The following TG variants were observed in gnomAD, a reference collection of about 807,000 sequenced individuals.
TG encodes thyroid hormones.
A neutral mutation model predicts 324.7 loss-of-function variants in TG; 270 were observed. The observed-to-expected ratio is 0.83, with a 90% CI of 0.75 to 0.92. The LOEUF is 0.92. Ranked by LOEUF, TG falls within the 40% of genes least tolerant of loss-of-function variation. The pLI, the probability that TG is intolerant of heterozygous loss-of-function variation, is 0.00. For synonymous variants in TG, 1,401 were observed against 1,327.0 expected, an observed-to-expected ratio of 1.06 and a Z score of -1.21; for missense variants, 3,591 against 3,456.4, an observed-to-expected ratio of 1.04 and a Z score of -0.98.
intron 38 of TG, 52 bp from the exon 39 acceptor site, chr8:133,019,550 G>T (rs1835368269): frequency 1.3e-6 from 2 of 1,495,164 alleles, no homozygotes. Context: ...TGGTGGGTGG[G>T]GAGGGGTGGT....
chr8:132,900,997 A>G (rs1221244315), intron 15 of TG, among the ~76,000 whole-genome samples: 12 of 152,064 alleles, frequency 7.9e-5, no homozygotes, highest in African/African-American at 2.9e-4. Context: ...CAGACCACAC[A>G]TCTGTCCCTC....
chr8:133,060,993 C>T (rs148138540), intron 41 of TG, among the ~76,000 whole-genome samples: 45 of 152,294 alleles, frequency 3.0e-4, no homozygotes, highest in Middle Eastern at 3.4e-3. Context: ...TAGATGACTT[C>T]GGGCAAGTCA....
chr8:132,927,061 G>A (rs1361778316), intron 22 of TG, among the ~76,000 whole-genome samples: 2 of 151,892 alleles, frequency 1.3e-5, no homozygotes, highest in African/African-American at 4.8e-5. Flanking sequence ...TCTGATCTTT[G>A]TCAACCTATG....
chr8:132,874,890 C>A (rs1161059440), intron 5 of TG, among the ~76,000 whole-genome samples: 1 of 152,180 alleles, frequency 6.6e-6, no homozygotes, highest in Non-Finnish European at 1.5e-5. Flanking sequence ...CAAGGACACG[C>A]CCTTCTGTGC....
Position 132,969,494 on chromosome 8 carries a change from G to A in TG, c.5900G>A (p.Arg1967His), listed in dbSNP as rs542988060. 5.9e-5 allele frequency: 96 copies of A among 1,613,766 alleles called. No homozygotes were observed. Among genetic ancestry groups the A allele is most frequent in the South Asian group, 2.2e-4 (20 of 91,080 alleles). Residue 1967 changes from arginine (R) to histidine (H), a missense_variant, in exon 32 of 48, where the codon CGC (arginine) becomes CAC (histidine). Transcript: ENST00000220616. ...GATAAAGTGAAGAACTTTTACACTC[G>A]CCTGCCGTTCCAAAAACTGATGGGG... The part of the protein sequence containing the change: ...LEDKVKNFYT[R>H]LPFQKLMGIS...
chr8:133,125,105 A>G (rs1276087541), intron 45 of TG, among the ~76,000 whole-genome samples: 1 of 152,198 alleles, frequency 6.6e-6, no homozygotes, highest in Non-Finnish European at 1.5e-5. Context: ...TTTGACAGAG[A>G]TTTACCTAAC....
rs142093627 is a variant in TG at position 133,114,026 on chromosome 8, C to T, written c.7754+423C>T. On this transcript the variant is annotated intron_variant, in intron 44 of 47. Coordinates refer to ENST00000220616, the MANE Select transcript of TG (RefSeq NM_003235.5). ...CAGTCTTGGCTGCCCATCAGGCACA[C>T]GTGAGCGCATTTAAAGGGTAGGTGA... 6.4e-3 allele frequency among the ~76,000 whole-genome samples: 971 copies of T among 152,302 alleles called. 15 individuals are homozygous for T. The highest frequency in any genetic ancestry group is 0.022 in the African/African-American group (932 of 41,562).
chr8:132,893,918 C>A lies in TG; in HGVS notation c.2990C>A (p.Ala997Glu). The change falls in exon 11 of 48, where the codon GCG becomes GAG. Residue 997 changes from alanine to glutamate, a missense_variant. Physicochemically the swap from Ala to Glu is moderately radical, Grantham distance 107 (BLOSUM62 -1). Transcript: ENST00000220616. ...GGGAGTGATTACGCCATTCGCCTGGCGGCTCAGTCTAGTGAGTGTGGTGCC... is the reference window on the plus strand; with the variant it reads ...GGGAGTGATTACGCCATTCGCCTGGAGGCTCAGTCTAGTGAGTGTGGTGCC... ...LRGSDYAIRLAAQSTLSFYQR... is the reference protein window; with the variant it reads ...LRGSDYAIRLEAQSTLSFYQR... 6.2e-7 allele frequency: 1 copy of A among 1,614,032 alleles called. No individual in the cohort carries two copies. Among genetic ancestry groups the A allele is most frequent in the Non-Finnish European group, 8.5e-7 (1 of 1,179,950 alleles).
intron 41 of TG, among the ~76,000 whole-genome samples, chr8:133,068,964 T>C (rs1843530950): frequency 6.6e-6 from 1 of 152,254 alleles, no homozygotes. Context: ...CTCTAGATCA[T>C]ATAAGCAGGC....
At chr8:133,101,967 G>T (rs1849314874) in intron 43 of TG, among the ~76,000 whole-genome samples, 1 of 152,204 alleles carries the variant, frequency 6.6e-6, no homozygotes, top group Non-Finnish European at 1.5e-5. Context: ...GTTACCCAGA[G>T]TCTGAGCCTC....
At chr8:133,103,946 C>T (rs1367620712) in intron 43 of TG, among the ~76,000 whole-genome samples, 1 of 152,090 alleles carries the variant, frequency 6.6e-6, no homozygotes, top group Non-Finnish European at 1.5e-5. Flanking sequence ...TTAGAAATGC[C>T]CTGAAGAACA....
At chr8:133,089,395 C>T (rs920738113) in intron 41 of TG, among the ~76,000 whole-genome samples, 1 of 152,194 alleles carries the variant, frequency 6.6e-6, no homozygotes, top group Non-Finnish European at 1.5e-5. Flanking sequence ...CAACCATTTT[C>T]AGCACTGAGA....
intron 41 of TG, among the ~76,000 whole-genome samples, chr8:133,085,592 A>T (rs1162065416): frequency 6.6e-6 from 1 of 152,220 alleles, no homozygotes; most frequent in Non-Finnish European, 1.5e-5. Flanking sequence ...TGGGCCCATA[A>T]GCATAGCAAA....
intron 29 of TG, among the ~76,000 whole-genome samples, chr8:132,964,382 G>T (rs901052382): frequency 1.9e-4 from 29 of 152,080 alleles, no homozygotes; most frequent in African/African-American, 7.0e-4. Flanking sequence ...TTGCATTCCT[G>T]GGCTCAAGTA....
chr8:132,913,129 C>T lies in TG; in HGVS notation c.4242C>T (p.Ser1414=). The T allele has an allele frequency of 2.5e-6, 4 of 1,614,192 alleles. No individual in the cohort carries two copies. The highest frequency in any genetic ancestry group is 1.7e-5 in the Admixed American group (1 of 60,028). ...QSGSFQLHLD[S]KTFPAETIRF... Reference sequence around the variant, plus strand: ...GCTCATTCCAGCTTCATCTGGACTCCAAGACGTTCCCAGCGGAAACCATCC... The same window carrying T: ...GCTCATTCCAGCTTCATCTGGACTCTAAGACGTTCCCAGCGGAAACCATCC... Residue 1414 remains serine (S), a synonymous_variant, in exon 20 of 48, where the codon TCC becomes TCT. Coordinates refer to ENST00000220616, the MANE Select transcript of TG (RefSeq NM_003235.5).
chr8:133,005,674 A>T (rs1321798010), intron 35 of TG, among the ~76,000 whole-genome samples: 1 of 152,168 alleles, frequency 6.6e-6, no homozygotes, highest in African/African-American at 2.4e-5. Flanking sequence ...TGGCTGCTTT[A>T]CTGTGTCCCA....
chr8:132,944,896 C>G (rs1270985219), intron 26 of TG, among the ~76,000 whole-genome samples: 1 of 152,104 alleles, frequency 6.6e-6, no homozygotes, highest in Non-Finnish European at 1.5e-5. Flanking sequence ...ATAGCATATG[C>G]AAAGTCCCTG....
chr8:132,979,301 G>A (rs1172211421), intron 34 of TG, among the ~76,000 whole-genome samples: 1 of 152,236 alleles, frequency 6.6e-6, no homozygotes, highest in Non-Finnish European at 1.5e-5. Context: ...TTGTCTGCAA[G>A]TGGGGCAAGA....
chr8:132,871,455 C>T lies in TG; in HGVS notation c.382C>T (p.Pro128Ser), dbSNP rs760598558. 1.2e-6 allele frequency: 2 copies of T among 1,614,198 alleles called. No homozygotes were observed. The highest frequency in any genetic ancestry group is 2.2e-5 in the South Asian group (2 of 91,084). Residue 128 changes from proline (P) to serine (S), a missense_variant, in exon 4 of 48, where the codon CCT (proline) becomes TCT (serine). Physicochemically the swap from Pro to Ser is moderately conservative, Grantham distance 74 (BLOSUM62 -1). Coordinates refer to ENST00000220616, the MANE Select transcript of TG (RefSeq NM_003235.5). ...GTGTCAGGATTCAGGGGACTACGCG[C>T]CTGTTCAGTGTGATGTGCAGCAGGT... ...PQCQDSGDYA[P>S]VQCDVQQVQC...
Sources: gnomAD v4.1 joint callset for allele counts (sites outside exome capture counted in the v4.1 genomes callset) on GRCh38, gnomAD v4.1.1 for gene constraint, MANE v1.5 for transcripts, NCBI Gene and HGNC (gene_info 2026-07-23, HGNC 2026-07-21) for gene names.